Variants in AGO2 observed in about 807,000 individuals in gnomAD.
The protein encoded by AGO2 is protein argonaute-2.
Under a neutral mutation model 102.3 loss-of-function variants are expected in AGO2, and 5 were observed. That is an observed-to-expected ratio of 0.05 (90% CI 0.03 to 0.10). The LOEUF is 0.10. Among genes scored for constraint, AGO2 ranks in the 10% least tolerant of loss-of-function variants. AGO2 has a pLI of 1.00. For synonymous variants in AGO2, 449 were observed against 473.1 expected (o/e 0.95, Z 0.66); for missense variants, 541 against 1,183.7 (o/e 0.46, Z 7.97).
chr8:140,594,751 G>C (rs1191440821), intron 1 of AGO2, among the ~76,000 whole-genome samples: 3 of 152,048 alleles, frequency 2.0e-5, no homozygotes, highest in African/African-American at 7.3e-5. Context: ...CAAGGCTGCA[G>C]TGATCCGAGA....
chr8:140,558,060 C>T (rs2073130783), intron 7 of AGO2, among the ~76,000 whole-genome samples: 8 of 152,206 alleles, frequency 5.3e-5, no homozygotes. Flanking sequence ...CCCAGGACAG[C>T]GGTGCACTCT....
At position 140,601,011 on chromosome 8, in the gene AGO2, C is replaced by T. The variant is rs912560892; in HGVS notation, c.23-15700G>A. Among the ~76,000 whole-genome samples, 5 of 152,224 alleles carry T rather than the reference C, an allele frequency of 3.3e-5. No individual in the cohort carries two copies. In the South Asian group the frequency reaches 6.2e-4, roughly 19 times the overall value. Reference sequence around the variant, plus strand: ...CCATTTGTGTGCAGGCCACAGCCATCATCTTCTCCCAGCTGGATCACTTCA... The same window carrying T: ...CCATTTGTGTGCAGGCCACAGCCATTATCTTCTCCCAGCTGGATCACTTCA... On this transcript the variant is annotated intron_variant, in intron 1 of 18. Coordinates refer to ENST00000220592, the MANE Select transcript of AGO2 (RefSeq NM_012154.5).
At position 140,562,538 on chromosome 8, in the gene AGO2, C is replaced by T. The variant is rs776045236; in HGVS notation, c.433G>A (p.Asp145Asn). 2.9e-5 allele frequency: 47 copies of T among 1,614,158 alleles called. 1 individual carries two copies. In the South Asian group the frequency reaches 4.3e-4, roughly 15 times the overall value. Residue 145 changes from aspartate to asparagine, a missense_variant, in exon 4 of 19, where the codon GAT (aspartate) becomes AAT (asparagine). Around this residue, in one of 6 missense-constraint regions of AGO2, gnomAD observed 147 missense variants for 204.1 expected, o/e 0.72. Transcript: ENST00000220592. ...CTGGGCAGCCGCCCTGAAAGTGCATCGTGTAACGCCTGCAAGCTCACGCAG... is the reference window on the plus strand; with the variant it reads ...CTGGGCAGCCGCCCTGAAAGTGCATTGTGTAACGCCTGCAAGCTCACGCAG... The part of the protein sequence containing the change: ...VSCVSLQALH[D>N]ALSGRLPSVP...
chr8:140,579,877 T>G (rs1172659563), intron 2 of AGO2, among the ~76,000 whole-genome samples: 6 of 152,248 alleles, frequency 3.9e-5, no homozygotes, highest in African/African-American at 1.4e-4. Context: ...AGGCTGAGTG[T>G]GACACAGCCA....
rs1050023050 is a variant in AGO2, at chr8:140,532,707, G to T, written c.2272-92C>A. 1.3e-5 allele frequency: 18 copies of T among 1,364,198 alleles called. No homozygotes were observed. In the African/African-American group the frequency reaches 2.3e-4, roughly 17 times the overall value. 84.5% of individuals were successfully genotyped at this position (1,364,198 alleles called of 1,614,324 possible). On this transcript the variant is annotated intron_variant, in intron 17 of 18. Transcript: ENST00000220592. Reference sequence around the variant, plus strand: ...GATTTATATTTGTATTATTAAAAATGCATCATAGTCTGGACACGGAGGCTC... The same window carrying T: ...GATTTATATTTGTATTATTAAAAATTCATCATAGTCTGGACACGGAGGCTC...
intron 1 of AGO2, among the ~76,000 whole-genome samples, chr8:140,609,641 C>G (rs1444827914): frequency 6.6e-6 from 1 of 152,100 alleles, no homozygotes; most frequent in African/African-American, 2.4e-5. Context: ...CCCATCCCAT[C>G]CCCCCAGTCA....
Position 140,547,615 on chromosome 8 carries a change from C to T in AGO2, c.1601G>A (p.Arg534His), listed in dbSNP as rs2072923305. Residue 534 changes from arginine to histidine, a missense_variant, in exon 13 of 19, where the codon CGC becomes CAC. Arg to His is a conservative substitution (Grantham distance 29, BLOSUM62 0). Coordinates refer to ENST00000220592, the MANE Select transcript of AGO2 (RefSeq NM_012154.5). ...GKTPVYAEVKRVGDTVLGMAT... is the reference protein window; with the variant it reads ...GKTPVYAEVKHVGDTVLGMAT... ...CATCCCCAGCACCGTGTCTCCCACGCGCTTGACCTCGGCTAAGGGACATGA... is the reference window on the plus strand; with the variant it reads ...CATCCCCAGCACCGTGTCTCCCACGTGCTTGACCTCGGCTAAGGGACATGA... The T allele has an allele frequency of 3.7e-6, 6 of 1,612,936 alleles. No homozygotes were observed. Among genetic ancestry groups the T allele is most frequent in the East Asian group, 2.2e-5 (1 of 44,876 alleles).
intron 3 of AGO2, among the ~76,000 whole-genome samples, chr8:140,564,494 C>A (rs2073249752): frequency 6.6e-6 from 1 of 152,214 alleles, no homozygotes; most frequent in Non-Finnish European, 1.5e-5. Context: ...TCTGTTACCC[C>A]TGAGATAGCA....
At chr8:140,584,603 A>G (rs2133010207) in intron 2 of AGO2, among the ~76,000 whole-genome samples, 2 of 152,348 alleles carry the variant, frequency 1.3e-5, no homozygotes, top group South Asian at 4.1e-4. Context: ...AAGGAAGATG[A>G]AAAACAGACT....
At chr8:140,636,036 A>C (rs2074405247), upstream of AGO2, among the ~76,000 whole-genome samples, 1 of 149,856 alleles carries the variant, frequency 6.7e-6, no homozygotes, top group Non-Finnish European at 1.5e-5. Flanking sequence ...GCCGGAGGGG[A>C]GGCCACGCGC....
intron 1 of AGO2, among the ~76,000 whole-genome samples, chr8:140,630,992 C>T (rs906026963): frequency 1.3e-5 from 2 of 151,950 alleles, no homozygotes; most frequent in Admixed American, 6.6e-5. Flanking sequence ...AGTTTGAGGC[C>T]GCAGTGAGCC....
intron 1 of AGO2, chr8:140,626,460 A>T (rs1287820020): frequency 6.6e-6 from 1 of 152,216 alleles, no homozygotes; most frequent in African/African-American, 2.4e-5. Context: ...AGTAACAGTC[A>T]CCATCAGAGG....
chr8:140,559,172 C>A (rs1332585536), intron 6 of AGO2, among the ~76,000 whole-genome samples: 1 of 152,214 alleles, frequency 6.6e-6, no homozygotes, highest in African/African-American at 2.4e-5. Flanking sequence ...GACTCCCCAA[C>A]CTCATCCTCA....
Position 140,597,601 on chromosome 8 carries a change from G to GCTCACTCCTGTCAGCTTCAGC in AGO2, c.23-12311_23-12291dup, listed in dbSNP as rs551695964. ...ATAAATGAGCATTCAGAAATCTCAGGCTCACTCCTGTCAGCTTCAGCCTCA... is the reference window on the plus strand; with the variant it reads ...ATAAATGAGCATTCAGAAATCTCAGGCTCACTCCTGTCAGCTTCAGCCTCACTCCTGTCAGCTTCAGCCTCA... On this transcript the variant is annotated intron_variant, in intron 1 of 18. Transcript: ENST00000220592. Among the ~76,000 whole-genome samples the GCTCACTCCTGTCAGCTTCAGC allele has an allele frequency of 7.2e-3, 1,095 of 151,620 alleles. 16 individuals carry two copies. Among genetic ancestry groups the GCTCACTCCTGTCAGCTTCAGC allele is most frequent in the African/African-American group, 0.025 (1,013 of 41,256 alleles).
chr8:140,534,450 G>A (rs921461574), intron 17 of AGO2, among the ~76,000 whole-genome samples: 2 of 152,160 alleles, frequency 1.3e-5, no homozygotes, highest in Non-Finnish European at 2.9e-5. Context: ...AGCCAACACT[G>A]GGACAGGCAC....
intron 17 of AGO2, 43 bp downstream of exon 17, chr8:140,535,425 G>A: frequency 6.3e-7 from 1 of 1,592,360 alleles, no homozygotes; most frequent in Non-Finnish European, 8.6e-7. Flanking sequence ...GGATGACACG[G>A]CAGACGGCCA....
chr8:140,537,965 C>T (rs1433058629), intron 16 of AGO2, among the ~76,000 whole-genome samples: 1 of 152,092 alleles, frequency 6.6e-6, no homozygotes, highest in South Asian at 2.1e-4. Flanking sequence ...ACTACAGGCG[C>T]CCGCCACCAC....
rs549914972 is a variant in AGO2, at chr8:140,560,587, G to A, written c.519-77C>T. The stretch of plus-strand genomic sequence containing the variant: ...GAACAGCTGCCTCTGGGTGGGCTTC[G>A]CCTGCGCCCACCACACCCTCATCAG... On this transcript the variant is annotated intron_variant, in intron 4 of 18. Coordinates refer to ENST00000220592, the MANE Select transcript of AGO2 (RefSeq NM_012154.5). The A allele has an allele frequency of 5.9e-5, 90 of 1,529,536 alleles. No individual in the cohort carries two copies. In the South Asian group the frequency reaches 8.3e-4, roughly 14 times the overall value. 94.7% of individuals were successfully genotyped at this position (1,529,536 alleles called of 1,614,324 possible).
At chr8:140,534,137 C>T (rs942557544) in intron 17 of AGO2, among the ~76,000 whole-genome samples, 3 of 152,332 alleles carry the variant, frequency 2.0e-5, no homozygotes, top group Admixed American at 1.3e-4. Context: ...CATGCTCCGG[C>T]ACCCCTTTCC....
Sources: gnomAD v4.1 joint callset for allele counts (sites outside exome capture counted in the v4.1 genomes callset) on GRCh38, gnomAD v4.1.1 for gene constraint, gnomAD v4.1.1 regional missense constraint, MANE v1.5 for transcripts, NCBI Gene and HGNC (gene_info 2026-07-23, HGNC 2026-07-21) for gene names.